Variants in MGRN1 observed in about 807,000 individuals in gnomAD.
MGRN1 encodes mahogunin ring finger 1, also known as E3 ubiquitin-protein ligase MGRN1.
Under a neutral mutation model 69.2 loss-of-function variants are expected in MGRN1, and 29 were observed. The ratio of observed to expected loss-of-function variants is 0.42; its 90% CI spans 0.31 to 0.57. The LOEUF (loss-of-function observed/expected upper bound fraction) is 0.57. Among genes scored for constraint, MGRN1 ranks in the 20% least tolerant of loss-of-function variants. The probability of loss-of-function intolerance (pLI) is 0.15; values close to 1 mark genes in which losing one functional copy is unlikely to be tolerated. For missense variants in MGRN1, 998 were observed against 796.2 expected (o/e 1.25, Z -3.05); for synonymous variants, 470 against 344.2 (o/e 1.37, Z -4.04).
chr16:4,629,737 CAAAA>C (rs58368787), intron 1 of MGRN1, among the ~76,000 whole-genome samples: 2 of 110,820 alleles, frequency 1.8e-5, no homozygotes, highest in African/African-American at 3.2e-5. Context: ...GACACCGTCT[CAAAA>C]AAAAAAAAAA....
At chr16:4,670,038 T>A (rs1234567171) in intron 8 of MGRN1, among the ~76,000 whole-genome samples, 1 of 152,146 alleles carries the variant, frequency 6.6e-6, no homozygotes, top group East Asian at 1.9e-4. Flanking sequence ...TTTAATTTTT[T>A]AAATATTTAA....
At chr16:4,671,489 C>T in intron 9 of MGRN1, 30 bp downstream of exon 9, 1 of 1,607,784 alleles carries the variant, frequency 6.2e-7, no homozygotes, top group Non-Finnish European at 8.5e-7. Context: ...TTCCCTCTGC[C>T]ATTACAGAAG....
intron 16 of MGRN1, chr16:4,687,203 C>T: frequency 4.3e-6 from 4 of 939,950 alleles, no homozygotes; most frequent in Non-Finnish European, 5.0e-6. Context: ...GTTGGCATCC[C>T]CCATCCCCCC....
intron 16 of MGRN1, chr16:4,687,473 G>T (rs1379043137): frequency 4.2e-6 from 4 of 961,384 alleles, no homozygotes; most frequent in Non-Finnish European, 5.0e-6. Flanking sequence ...CGGAGCTGGG[G>T]AGGTCAAGGC....
In MGRN1 at chr16:4,654,192, A is replaced by G. The variant is rs148654972; in HGVS notation, c.443+1368A>G. Among the ~76,000 whole-genome samples the G allele has an allele frequency of 7.1e-3, 1,083 of 152,190 alleles. 10 individuals are homozygous for G. Among genetic ancestry groups the G allele is most frequent in the Non-Finnish European group, 9.1e-3 (622 of 68,000 alleles). On this transcript the variant is annotated intron_variant, in intron 4 of 16. Transcript: ENST00000262370. The stretch of plus-strand genomic sequence containing the variant: ...CCTCACTGGCACATAAGACACTCCT[A>G]CCACCCGGGAAATTCCAAGGGTTTG...
chr16:4,673,416 G>T (rs2078984948), intron 9 of MGRN1, 82 bp from the exon 10 acceptor site: 4 of 1,538,000 alleles, frequency 2.6e-6, no homozygotes, highest in African/African-American at 1.4e-5. Context: ...GGTGGAGTGG[G>T]GTGGGACAGC....
Position 4,681,665 on chromosome 16 carries a change from A to C in MGRN1, c.1247A>C (p.Tyr416Ser). The C allele has an allele frequency of 3.1e-6, 5 of 1,613,396 alleles. No individual in the cohort carries two copies. The highest frequency in any genetic ancestry group is 4.2e-6 in the Non-Finnish European group (5 of 1,179,984). ...PSAPLYEEIT[Y>S]SGISDGLSQA... ...GCCCCTCTTTATGAAGAAATCACCTATTCAGGCATCTCGGACGGCCTGTCC... is the reference window on the plus strand; with the variant it reads ...GCCCCTCTTTATGAAGAAATCACCTCTTCAGGCATCTCGGACGGCCTGTCC... The change falls in exon 13 of 17, where the codon TAT becomes TCT. Residue 416 changes from tyrosine (Y) to serine (S), a missense_variant. Tyr to Ser is a moderately radical substitution (Grantham distance 144). Transcript: ENST00000262370.
At chr16:4,650,749 A>G (rs545677397) in intron 2 of MGRN1, 6 of 338,274 alleles carry the variant, frequency 1.8e-5, no homozygotes, top group Admixed American at 1.4e-4. Flanking sequence ...CTGGGCTGCA[A>G]CGGCTGCGGA....
At chr16:4,660,003 C>T (rs1214114825) in intron 5 of MGRN1, among the ~76,000 whole-genome samples, 24 of 152,226 alleles carry the variant, frequency 1.6e-4, no homozygotes, top group Non-Finnish European at 1.9e-4. Flanking sequence ...GTCCTGCAGC[C>T]AGGCCGCAGA....
At chr16:4,678,861 C>T (rs75428912) in intron 11 of MGRN1, among the ~76,000 whole-genome samples, 2,400 of 152,364 alleles carry the variant, frequency 0.016, 33 homozygotes, top group Non-Finnish European at 0.025. Context: ...AGGCTCCTCC[C>T]AAGCCCCCTT....
At chr16:4,628,852 T>G (rs1422147523) in intron 1 of MGRN1, among the ~76,000 whole-genome samples, 5 of 150,784 alleles carry the variant, frequency 3.3e-5, no homozygotes, top group South Asian at 2.1e-4. Flanking sequence ...GCCTTTTCTG[T>G]TTTTTTTTGA....
intron 1 of MGRN1, among the ~76,000 whole-genome samples, chr16:4,642,425 G>C (rs1490916779): frequency 6.6e-6 from 1 of 151,850 alleles, no homozygotes; most frequent in African/African-American, 2.4e-5. Flanking sequence ...AGCCTTCTGA[G>C]TAGCTGGGAT....
At chr16:4,668,024 C>G (rs540730524) in intron 7 of MGRN1, among the ~76,000 whole-genome samples, 2 of 152,160 alleles carry the variant, frequency 1.3e-5, no homozygotes, top group African/African-American at 4.8e-5. Context: ...AGCAGAGGGT[C>G]CCCGGGCTGT....
intron 12 of MGRN1, 119 bp downstream of exon 12, chr16:4,680,216 T>C (rs1332223406): frequency 3.0e-6 from 3 of 1,009,590 alleles, no homozygotes; most frequent in Admixed American, 2.3e-5. Flanking sequence ...ACCCGTCAGC[T>C]CCACTTGCCC....
intron 1 of MGRN1, among the ~76,000 whole-genome samples, chr16:4,635,509 G>A (rs945026769): frequency 1.3e-5 from 2 of 151,008 alleles, no homozygotes; most frequent in South Asian, 2.1e-4. Flanking sequence ...TTGCTCTGTC[G>A]CCCAGGCTGG....
chr16:4,627,585 A>G (rs1897743922), intron 1 of MGRN1, among the ~76,000 whole-genome samples: 1 of 152,070 alleles, frequency 6.6e-6, no homozygotes, highest in East Asian at 1.9e-4. Flanking sequence ...CAGGAGATGG[A>G]GACCATCCTG....
chr16:4,675,280 A>T (rs536490731), intron 10 of MGRN1, among the ~76,000 whole-genome samples: 12 of 151,888 alleles, frequency 7.9e-5, no homozygotes, highest in African/African-American at 2.9e-4. Flanking sequence ...CCTTGTTTTT[A>T]AAATTTTTTT....
intron 16 of MGRN1, chr16:4,686,428 C>T: frequency 7.0e-7 from 1 of 1,435,326 alleles, no homozygotes. Context: ...CGCATCTTCC[C>T]AGGGGCCCTG....
chr16:4,626,613 G>T (rs1659488), intron 1 of MGRN1, among the ~76,000 whole-genome samples: 21,767 of 152,208 alleles, frequency 0.14, 1,788 homozygotes, highest in South Asian at 0.24. Context: ...GTAAGCAGTG[G>T]CATGACACAG....
Sources: allele counts gnomAD v4.1 joint callset (sites outside exome capture counted in the v4.1 genomes callset), GRCh38; gene constraint gnomAD v4.1.1; transcripts MANE v1.5; gene names NCBI Gene and HGNC (gene_info 2026-07-23, HGNC 2026-07-21).